Variants in ZCCHC4 observed in about 807,000 individuals in gnomAD.
The protein encoded by ZCCHC4 is rRNA N(6)-adenosine-methyltransferase ZCCHC4.
In ZCCHC4, 54 loss-of-function variants were observed where a neutral mutation model predicts 67.7. The observed-to-expected ratio is 0.80, with a 90% CI of 0.64 to 1.00. ZCCHC4 has a LOEUF of 1.00. Among genes scored for constraint, ZCCHC4 ranks in the 50% least tolerant of loss-of-function variants. The pLI is 0.00. For missense variants in ZCCHC4, 609 were observed against 617.0 expected (o/e 0.99, Z 0.14); for synonymous variants, 198 against 213.5 (o/e 0.93, Z 0.63).
chr4:25,321,620 G>A (rs1239982331), intron 3 of ZCCHC4, among the ~76,000 whole-genome samples: 13 of 152,070 alleles, frequency 8.5e-5, no homozygotes, highest in African/African-American at 2.4e-4. Flanking sequence ...TGATCTACCC[G>A]CCTCAGCCTC....
At position 25,349,523 on chromosome 4, in the gene ZCCHC4, A is replaced by C. The variant is rs1720183618; in HGVS notation, c.791A>C (p.Gln264Pro). ...TALEVCRAFL[Q>P]EDKGEGIIMV... is the part of the protein sequence containing the mutation. ...CTTGAAGTATGCAGAGCATTTTTACAGGAAGATAAAGGCGAAGGAATCATT... is the reference window on the plus strand; with the variant it reads ...CTTGAAGTATGCAGAGCATTTTTACCGGAAGATAAAGGCGAAGGAATCATT... Residue 264 changes from glutamine (Q) to proline (P), a missense_variant, in exon 7 of 13, where the codon CAG becomes CCG. Transcript: ENST00000302874. 6.2e-7 allele frequency: 1 copy of C among 1,613,882 alleles called. No individual in the cohort carries two copies. Among genetic ancestry groups the C allele is most frequent in the African/African-American group, 1.3e-5 (1 of 74,928 alleles).
Position 25,315,388 on chromosome 4 carries a change from A to G in ZCCHC4, c.317A>G (p.Gln106Arg). The change falls in exon 3 of 13, where the codon CAG becomes CGG. Residue 106 changes from glutamine to arginine, a missense_variant. By Grantham distance (43) the Gln-to-Arg change is conservative. Coordinates refer to ENST00000302874, the MANE Select transcript of ZCCHC4 (RefSeq NM_024936.3). ...TGTCAGCCTCCCCTGTCCCGAACGCAGTGTGTGGAAAGGTACTGATGCAGT... is the reference window on the plus strand; with the variant it reads ...TGTCAGCCTCCCCTGTCCCGAACGCGGTGTGTGGAAAGGTACTGATGCAGT... ...RRCQPPLSRTQCVERYLKFIE... is the reference protein window; with the variant it reads ...RRCQPPLSRTRCVERYLKFIE... 2 of 1,612,000 alleles carry G rather than the reference A, an allele frequency of 1.2e-6. No individual in the cohort carries two copies. The highest frequency in any genetic ancestry group is 8.5e-7 in the Non-Finnish European group (1 of 1,178,892).
At chr4:25,342,717 C>T (rs2109074567) in intron 5 of ZCCHC4, among the ~76,000 whole-genome samples, 1 of 152,128 alleles carries the variant, frequency 6.6e-6, no homozygotes, top group African/African-American at 2.4e-5. Flanking sequence ...TTTTGTTTGC[C>T]TTATTCAATG....
chr4:25,320,215 G>A (rs535030571), intron 3 of ZCCHC4, among the ~76,000 whole-genome samples: 10 of 151,734 alleles, frequency 6.6e-5, no homozygotes, highest in South Asian at 6.2e-4. Flanking sequence ...TGCCTGTTAC[G>A]CTCTGAAATG....
At chr4:25,320,158 T>G (rs529057254) in intron 3 of ZCCHC4, among the ~76,000 whole-genome samples, 2 of 152,172 alleles carry the variant, frequency 1.3e-5, no homozygotes, top group Admixed American at 1.3e-4. Flanking sequence ...AGTTGACATA[T>G]TTACATTTTG....
intron 6 of ZCCHC4, 91 bp from the exon 7 acceptor site, chr4:25,349,401 G>T: frequency 1.6e-5 from 21 of 1,292,288 alleles, no homozygotes; most frequent in Non-Finnish European, 2.3e-5. Flanking sequence ...CCAGTATTAA[G>T]AGAGAGACTG....
chr4:25,351,239 A>G lies in ZCCHC4; in HGVS notation c.911-350A>G, dbSNP rs540476420. Among the ~76,000 whole-genome samples, 5 of 152,356 alleles carry G rather than the reference A, an allele frequency of 3.3e-5. No homozygotes were observed. The South Asian group carries it at 1.0e-3, about 32-fold the overall frequency. ...CCGAAGACCTACTGCCTTCTAGTCC[A>G]GAGGTCCTTTCACTGCATCATGACT... On this transcript the variant is annotated intron_variant, in intron 7 of 12. Coordinates refer to ENST00000302874, the MANE Select transcript of ZCCHC4 (RefSeq NM_024936.3).
Position 25,362,262 on chromosome 4 carries a change from G to A in ZCCHC4, c.1170G>A (p.Glu390=), listed in dbSNP as rs551813530. Residue 390 remains glutamate (E), a synonymous_variant, in exon 10 of 13, where the codon GAG becomes GAA. Transcript: ENST00000302874. ...CSPCQRYVSL[E]NQHCELCNSC... is the part of the protein sequence containing the mutation. The stretch of plus-strand genomic sequence containing the variant: ...CGTGTCAACGGTATGTTTCTCTAGA[G>A]AATCAACACTGTGAGCTCTGTAATT... The A allele has an allele frequency of 2.4e-5, 38 of 1,611,310 alleles. No individual in the cohort carries two copies. The South Asian group carries it at 4.0e-4, about 17-fold the overall frequency.
chr4:25,362,630 CGTATT>C (rs919328538), intron 10 of ZCCHC4, among the ~76,000 whole-genome samples: 1 of 152,090 alleles, frequency 6.6e-6, no homozygotes, highest in Non-Finnish European at 1.5e-5. Flanking sequence ...AAGGCATTGA[CGTATT>C]GGGTACCATC....
chr4:25,313,038 C>T, intron 1 of ZCCHC4, 102 bp downstream of exon 1: 3 of 1,503,678 alleles, frequency 2.0e-6, no homozygotes, highest in South Asian at 2.4e-5. Flanking sequence ...GCCTCTTTCC[C>T]TCACCAGTGT....
intron 8 of ZCCHC4, among the ~76,000 whole-genome samples, chr4:25,355,364 G>A (rs1266484774): frequency 6.6e-6 from 1 of 152,218 alleles, no homozygotes; most frequent in African/African-American, 2.4e-5. Flanking sequence ...TAAATTGCTA[G>A]TGATTTTCTG....
At chr4:25,329,002 C>T (rs1243032468) in intron 3 of ZCCHC4, among the ~76,000 whole-genome samples, 1 of 151,942 alleles carries the variant, frequency 6.6e-6, no homozygotes, top group Non-Finnish European at 1.5e-5. Flanking sequence ...GCCTGGACAG[C>T]ATGGCAAAAC....
intron 3 of ZCCHC4, among the ~76,000 whole-genome samples, chr4:25,324,014 G>GTGTTTTTTTTTTTTTTT (rs1553895905): frequency 3.6e-5 from 3 of 82,448 alleles, no homozygotes; most frequent in East Asian, 3.5e-4. Flanking sequence ...TGTTTTTTGT[G>GTGTTTTTTTTTTTTTTT]TTTTTTTTTT....
chr4:25,314,094 G>A lies in ZCCHC4; in HGVS notation c.176G>A (p.Arg59Gln), dbSNP rs780504465. The change falls in exon 2 of 13, where the codon CGG (arginine) becomes CAG (glutamine). Residue 59 changes from arginine (R) to glutamine (Q), a missense_variant. Arg to Gln is a conservative substitution (Grantham distance 43). Transcript: ENST00000302874. Reference protein sequence around the residue: ...VKVTQGKEETRRFYACSACRD... With the variant: ...VKVTQGKEETQRFYACSACRD... ...GTGACCCAAGGGAAAGAAGAAACTCGGAGGTTTTATGCCTGTTCAGCCTGT... is the reference window on the plus strand; with the variant it reads ...GTGACCCAAGGGAAAGAAGAAACTCAGAGGTTTTATGCCTGTTCAGCCTGT... The A allele has an allele frequency of 5.6e-6, 9 of 1,610,660 alleles. No homozygotes were observed. In the Middle Eastern group the frequency reaches 4.9e-4, roughly 88 times the overall value.
At chr4:25,330,750 T>A (rs1221461136) in intron 3 of ZCCHC4, among the ~76,000 whole-genome samples, 1 of 152,198 alleles carries the variant, frequency 6.6e-6, no homozygotes, top group African/African-American at 2.4e-5. Context: ...ACTTGAGTAC[T>A]TGTGTATTGT....
rs572026291 is a variant in ZCCHC4 at position 25,370,236 on chromosome 4, A to T, written c.*1072A>T. 6.6e-6 allele frequency: 1 copy of T among 152,322 alleles called. No individual in the cohort carries two copies. The highest frequency in any genetic ancestry group is 2.1e-4 in the South Asian group (1 of 4,828). 9.4% of individuals were successfully genotyped at this position (152,322 alleles called of 1,614,324 possible). On this transcript the variant is annotated 3_prime_UTR_variant, in exon 13 of 13. Coordinates refer to ENST00000302874, the MANE Select transcript of ZCCHC4 (RefSeq NM_024936.3). ...ATTAAACGCCCAAACTAAACTCCTC[A>T]TTCCTACCCTTAATATTTCCTGGCT...
chr4:25,330,071 A>G (rs1287866306), intron 3 of ZCCHC4, among the ~76,000 whole-genome samples: 1 of 152,064 alleles, frequency 6.6e-6, no homozygotes, highest in Non-Finnish European at 1.5e-5. Flanking sequence ...AGCTTACAGT[A>G]GCCTCCGTCC....
rs899973889 is a variant in ZCCHC4, at chr4:25,366,606, A to G, written c.1406+1440A>G. On this transcript the variant is annotated intron_variant, in intron 12 of 12. Transcript: ENST00000302874. ...GCTGGGATTACAGGCGTGAGCCACC[A>G]CGCCCAGCCTGAAGAATCTTATAAA... Among the ~76,000 whole-genome samples, 4 of 152,252 alleles carry G rather than the reference A, an allele frequency of 2.6e-5. No homozygotes were observed. The South Asian group carries it at 8.3e-4, about 32-fold the overall frequency.
In ZCCHC4 at chr4:25,359,661, G is replaced by T. The variant is rs1720646576; in HGVS notation, c.1012-2198G>T. ...GATAGATTTGATTTTGGCCAGGGTCGACTAGGAGAGAATTGATAAGCAGCC... is the reference window on the plus strand; with the variant it reads ...GATAGATTTGATTTTGGCCAGGGTCTACTAGGAGAGAATTGATAAGCAGCC... On this transcript the variant is annotated intron_variant, in intron 8 of 12. Coordinates refer to ENST00000302874, the MANE Select transcript of ZCCHC4 (RefSeq NM_024936.3). This position sits in a 1 kb window ranked among gnomAD's most constrained non-coding sequence, Gnocchi z 4.9. 6.6e-6 allele frequency among the ~76,000 whole-genome samples: 1 copy of T among 152,210 alleles called. No homozygotes were observed. Among genetic ancestry groups the T allele is most frequent in the Admixed American group, 6.5e-5 (1 of 15,278 alleles).
Sources: allele counts gnomAD v4.1 joint callset (sites outside exome capture counted in the v4.1 genomes callset), GRCh38; gene constraint gnomAD v4.1.1; non-coding constraint Gnocchi (gnomAD v3.1); transcripts MANE v1.5; gene names NCBI Gene and HGNC (gene_info 2026-07-23, HGNC 2026-07-21).